Variants in KIRREL2 observed in about 807,000 individuals in gnomAD.
KIRREL2 encodes kirre like nephrin family adhesion molecule 2, also known as kin of IRRE-like protein 2.
A neutral mutation model predicts 73.4 loss-of-function variants in KIRREL2; 56 were observed. The ratio of observed to expected loss-of-function variants is 0.76; its 90% CI spans 0.62 to 0.95. The LOEUF (loss-of-function observed/expected upper bound fraction) is 0.95, where lower values mean the gene tolerates loss of function less well. Ranked by LOEUF, KIRREL2 falls within the 40% of genes least tolerant of loss-of-function variation. KIRREL2 has a pLI of 0.00. For missense variants in KIRREL2, 896 were observed against 935.0 expected, an observed-to-expected ratio of 0.96 and a Z score of 0.54; for synonymous variants, 407 against 404.0, an observed-to-expected ratio of 1.01 and a Z score of -0.09.
upstream of KIRREL2, among the ~76,000 whole-genome samples, chr19:35,852,327 A>C (rs1973292419): frequency 6.9e-6 from 1 of 144,136 alleles, no homozygotes; most frequent in South Asian, 2.2e-4. Context: ...TCTCTCTCTC[A>C]ATCTCTATCT....
At chr19:35,860,760 G>A in intron 7 of KIRREL2, 93 bp downstream of exon 7, 1 of 1,584,032 alleles carries the variant, frequency 6.3e-7, no homozygotes, top group Non-Finnish European at 8.6e-7. Flanking sequence ...GGCCGGGAGA[G>A]CGAGCGTGGG....
At chr19:35,864,421 C>T (rs543359021) in intron 13 of KIRREL2, among the ~76,000 whole-genome samples, 1 of 151,662 alleles carries the variant, frequency 6.6e-6, no homozygotes, top group South Asian at 2.1e-4. Flanking sequence ...AACTTCTGGC[C>T]TCAAGTGATA....
At chr19:35,865,122 TTCTC>T (rs142392770) in intron 14 of KIRREL2, among the ~76,000 whole-genome samples, 4 of 149,034 alleles carry the variant, frequency 2.7e-5, no homozygotes, top group Admixed American at 6.7e-5. Flanking sequence ...GCCAGAGCAC[TTCTC>T]TCTCTCTCTC....
chr19:35,855,850 CAAGTGCACCATGCACTT>C (rs1973405016), upstream of KIRREL2: 4 of 152,152 alleles, frequency 2.6e-5, no homozygotes, highest in African/African-American at 9.7e-5. Context: ...CACCCTCTTC[CAAGTGCACCATGCACTT>C]GAGTGCACCT....
upstream of KIRREL2, chr19:35,851,842 G>A (rs1293346007): frequency 5.8e-6 from 9 of 1,550,940 alleles, no homozygotes; most frequent in Admixed American, 2.0e-5. Context: ...GGCCATCACA[G>A]GTCCCCCTAC....
intron 12 of KIRREL2, 46 bp downstream of exon 12, chr19:35,862,643 ACG>A: frequency 1.4e-6 from 2 of 1,425,864 alleles, no homozygotes; most frequent in Non-Finnish European, 2.0e-6. Flanking sequence ...CCAGCCCCAC[ACG>A]CGCCCTGCCT....
At chr19:35,862,626 C>A (rs780292660) in intron 12 of KIRREL2, 29 bp downstream of exon 12, 1 of 1,542,176 alleles carries the variant, frequency 6.5e-7, no homozygotes, top group African/African-American at 1.4e-5. Context: ...CCCCGGCTCC[C>A]GAGGCCCCAG....
chr19:35,866,188 GAGTC>G lies in KIRREL2; in HGVS notation c.1827_1830del (p.Ser610Ter). ...ACCAACGGTTACTACAAGGTCCGAG[GAGTC>G]AGTGTGAGCCTGAGCCTTGGCGAAG... is the stretch of plus-strand genomic sequence containing the variant. On this transcript the variant is annotated frameshift_variant, in exon 15 of 15. Coordinates refer to ENST00000360202, the MANE Select transcript of KIRREL2 (RefSeq NM_199180.4). LOFTEE classifies it high-confidence loss of function. 6.2e-7 allele frequency: 1 copy of G among 1,612,204 alleles called. No homozygotes were observed. Among genetic ancestry groups the G allele is most frequent in the South Asian group, 1.1e-5 (1 of 90,968 alleles).
At position 35,860,571 on chromosome 19, in the gene KIRREL2, G is replaced by A. The variant is rs1203819245; in HGVS notation, c.832G>A (p.Val278Ile). ...CGGGGCCCGCGGGCCAAGGTTAGAGGTCGTGGCAGACGCCTCGTTCCTGAC... is the reference window on the plus strand; with the variant it reads ...CGGGGCCCGCGGGCCAAGGTTAGAGATCGTGGCAGACGCCTCGTTCCTGAC... ...VLGARGPRLE[V>I]VADASFLTEP... Residue 278 changes from valine (V) to isoleucine (I), a missense_variant, in exon 7 of 15, where the codon GTC (valine) becomes ATC (isoleucine). Physicochemically the swap from Val to Ile is conservative, Grantham distance 29. Coordinates refer to ENST00000360202, the MANE Select transcript of KIRREL2 (RefSeq NM_199180.4). The A allele has an allele frequency of 6.2e-7, 1 of 1,603,574 alleles. No individual in the cohort carries two copies. Among genetic ancestry groups the A allele is most frequent in the African/African-American group, 1.3e-5 (1 of 75,050 alleles).
chr19:35,851,412 G>T (rs1464721619), upstream of KIRREL2: 3 of 1,612,108 alleles, frequency 1.9e-6, no homozygotes, highest in Non-Finnish European at 2.5e-6. Context: ...AGTCAGGGCC[G>T]CAGCTTCCGC....
At chr19:35,860,756 G>A (rs1005898909) in intron 7 of KIRREL2, 89 bp downstream of exon 7, 8 of 1,585,800 alleles carry the variant, frequency 5.0e-6, no homozygotes, top group Non-Finnish European at 6.0e-6. Flanking sequence ...GCGGGGCCGG[G>A]AGAGCGAGCG....
upstream of KIRREL2, among the ~76,000 whole-genome samples, chr19:35,855,195 G>A (rs879858102): frequency 6.6e-6 from 1 of 151,910 alleles, no homozygotes; most frequent in Non-Finnish European, 1.5e-5. Flanking sequence ...CCTGGGAAAT[G>A]GGCTGGATGC....
chr19:35,865,867 A>G (rs758744939), intron 14 of KIRREL2, among the ~76,000 whole-genome samples: 5 of 152,088 alleles, frequency 3.3e-5, no homozygotes, highest in Non-Finnish European at 7.4e-5. Context: ...TGGGCAGGTG[A>G]GTGTCTCTCT....
upstream of KIRREL2, among the ~76,000 whole-genome samples, chr19:35,854,409 CCTCCCGGGTTCAGGCGATT>C (rs1181066990): frequency 1.3e-5 from 2 of 149,616 alleles, no homozygotes; most frequent in Non-Finnish European, 3.0e-5. Context: ...GCAACCTCTG[CCTCCCGGGTTCAGGCGATT>C]CTCCTGCCTC....
intron 9 of KIRREL2, 24 bp from the exon 10 acceptor site, chr19:35,861,517 A>G: frequency 6.2e-7 from 1 of 1,610,104 alleles, no homozygotes; most frequent in Middle Eastern, 1.7e-4. Context: ...CTCTCCTCTG[A>G]GTGACCTACA....
upstream of KIRREL2, among the ~76,000 whole-genome samples, chr19:35,853,212 G>A (rs1210097399): frequency 6.6e-6 from 1 of 152,228 alleles, no homozygotes; most frequent in African/African-American, 2.4e-5. Context: ...AGATATGCAT[G>A]TGTGTACGTG....
chr19:35,860,583 G>C lies in KIRREL2; in HGVS notation c.844G>C (p.Ala282Pro), dbSNP rs368632197. ...GCCAAGGTTAGAGGTCGTGGCAGAC[G>C]CCTCGTTCCTGACTGAGCCCGTGTC... ...RGPRLEVVAD[A>P]SFLTEPVSCE... Residue 282 changes from alanine to proline, a missense_variant, in exon 7 of 15, where the codon GCC becomes CCC. Physicochemically the swap from Ala to Pro is conservative, Grantham distance 27. Coordinates refer to ENST00000360202, the MANE Select transcript of KIRREL2 (RefSeq NM_199180.4). The C allele has an allele frequency of 1.2e-6, 2 of 1,603,620 alleles. No homozygotes were observed. Among genetic ancestry groups the C allele is most frequent in the South Asian group, 2.2e-5 (2 of 91,082 alleles).
At position 35,864,630 on chromosome 19, in the gene KIRREL2, C is replaced by T; in HGVS notation, c.1726-18C>T. The stretch of plus-strand genomic sequence containing the variant: ...GGGATCCTCTGACTATTCCCTCTCA[C>T]TAAGTTCCCTACCCCAGGGCCCCAT... On this transcript the variant is annotated intron_variant, in intron 13 of 14. Transcript: ENST00000360202. 1.2e-6 allele frequency: 2 copies of T among 1,607,574 alleles called. No homozygotes were observed. Among genetic ancestry groups the T allele is most frequent in the Non-Finnish European group, 1.7e-6 (2 of 1,174,176 alleles).
upstream of KIRREL2, among the ~76,000 whole-genome samples, chr19:35,853,989 C>T (rs1470779295): frequency 6.6e-6 from 1 of 151,948 alleles, no homozygotes; most frequent in Non-Finnish European, 1.5e-5. Flanking sequence ...GGAATACAGG[C>T]ATTGACCACC....
Sources: gnomAD v4.1 joint callset for allele counts (sites outside exome capture counted in the v4.1 genomes callset) on GRCh38, gnomAD v4.1.1 for gene constraint, MANE v1.5 for transcripts, NCBI Gene and HGNC (gene_info 2026-07-23, HGNC 2026-07-21) for gene names.